CNNM4: variants seen among roughly 807,000 people sequenced by gnomAD.
CNNM4 encodes the protein cyclin and CBS domain divalent metal cation transport mediator 4, also known as metal transporter CNNM4.
In CNNM4, 32 loss-of-function variants were observed where a neutral mutation model predicts 53.7. The ratio of observed to expected loss-of-function variants is 0.60; its 90% confidence interval spans 0.45 to 0.80. CNNM4 has a LOEUF of 0.80. CNNM4 is among the 30% of genes least tolerant of loss of function. The pLI, the probability that CNNM4 is intolerant of heterozygous loss-of-function variation, is 0.00. For synonymous variants in CNNM4, 410 were observed against 440.0 expected, an observed-to-expected ratio of 0.93 and a Z score of 0.85; for missense variants, 784 against 1,022.0, an observed-to-expected ratio of 0.77 and a Z score of 3.17.
intron 1 of CNNM4, among the ~76,000 whole-genome samples, chr2:96,772,845 C>T (rs571555902): frequency 6.2e-5 from 9 of 145,704 alleles, no homozygotes; most frequent in Non-Finnish European, 1.2e-4. Context: ...TCACTCCCAC[C>T]CATGCTCACA....
chr2:96,787,290 C>T (rs2079024226), intron 1 of CNNM4, among the ~76,000 whole-genome samples: 1 of 152,182 alleles, frequency 6.6e-6, no homozygotes, highest in African/African-American at 2.4e-5. Context: ...CTCCTGCCAA[C>T]ACTGAGAGTA....
At position 96,761,456 on chromosome 2, in the gene CNNM4, C is replaced by G; in HGVS notation, c.457C>G (p.Arg153Gly). ...CATGAAGCTGTATGCACTGTGCACC[C>G]GGGCCCAGCCCGACGGGCCCTGGCT... is the stretch of plus-strand genomic sequence containing the variant. ...ESMKLYALCT[R>G]AQPDGPWLKW... Residue 153 changes from arginine (R) to glycine (G), a missense_variant, in exon 1 of 7, where the codon CGG becomes GGG. Physicochemically the swap from Arg to Gly is moderately radical, Grantham distance 125 (BLOSUM62 -2). This residue lies in a region of CNNM4 where 473 missense variants were observed against 624.6 expected (regional missense o/e 0.76). Transcript: ENST00000377075. This position sits in a 1 kb window ranked among gnomAD's most constrained non-coding sequence, Gnocchi z 6.0. 1.2e-6 allele frequency: 2 copies of G among 1,614,132 alleles called. No individual in the cohort carries two copies. The highest frequency in any genetic ancestry group is 1.7e-6 in the Non-Finnish European group (2 of 1,180,016).
chr2:96,763,916 C>A (rs1223832277), intron 1 of CNNM4, among the ~76,000 whole-genome samples: 1 of 151,950 alleles, frequency 6.6e-6, no homozygotes, highest in Non-Finnish European at 1.5e-5. Flanking sequence ...GGAGTGCAGA[C>A]CCAGGAATCA....
chr2:96,790,066 G>T (rs1234301450), intron 1 of CNNM4, among the ~76,000 whole-genome samples: 1 of 141,808 alleles, frequency 7.1e-6, no homozygotes. Context: ...GAGTGCAGTG[G>T]CGTGATCTCG....
At chr2:96,774,563 T>A (rs2078907384) in intron 1 of CNNM4, among the ~76,000 whole-genome samples, 2 of 152,346 alleles carry the variant, frequency 1.3e-5, no homozygotes, top group Admixed American at 1.3e-4. Context: ...GCCAACAGTC[T>A]TTCCCAGTCA....
intron 1 of CNNM4, among the ~76,000 whole-genome samples, chr2:96,795,757 C>T (rs1385983242): frequency 6.6e-6 from 1 of 152,120 alleles, no homozygotes; most frequent in East Asian, 1.9e-4. Flanking sequence ...TTCCGGGGGC[C>T]TTTCTTCCTA....
chr2:96,803,135 G>C (rs1466792126), intron 5 of CNNM4, among the ~76,000 whole-genome samples: 9 of 152,156 alleles, frequency 5.9e-5, no homozygotes, highest in Admixed American at 5.9e-4. Flanking sequence ...CTTAGAAGCA[G>C]TTACTCCCTG....
At position 96,796,131 on chromosome 2, in the gene CNNM4, CTTTTTTTTTTTTTT is replaced by C. The variant is rs796494842; in HGVS notation, c.1403-863_1403-850del. On this transcript the variant is annotated intron_variant, in intron 1 of 6. Transcript: ENST00000377075. ...CCTGATAAGTGATACCAGACAGGGTCTTTTTTTTTTTTTTTTTTTTTTTTTTTTTTTGAGACAGA... is the reference window on the plus strand; with the variant it reads ...CCTGATAAGTGATACCAGACAGGGTCTTTTTTTTTTTTTTTTTGAGACAGA... Among the ~76,000 whole-genome samples, 141 of 50,714 alleles carry C rather than the reference CTTTTTTTTTTTTTT, an allele frequency of 2.8e-3. 2 individuals carry two copies. The East Asian group carries it at 0.066, about 24-fold the overall frequency. 33.3% of individuals were successfully genotyped at this position (50,714 alleles called of 152,430 possible).
intron 1 of CNNM4, among the ~76,000 whole-genome samples, chr2:96,784,374 A>G (rs1264174794): frequency 6.6e-6 from 1 of 152,230 alleles, no homozygotes; most frequent in Admixed American, 6.5e-5. Flanking sequence ...GCTTTGCTTC[A>G]AAATCAGTGA....
chr2:96,762,104 C>T lies in CNNM4; in HGVS notation c.1105C>T (p.Arg369Trp). 1 of 1,614,068 alleles carries T rather than the reference C, an allele frequency of 6.2e-7. No homozygotes were observed. Among genetic ancestry groups the T allele is most frequent in the Non-Finnish European group, 8.5e-7 (1 of 1,180,014 alleles). ...TATGATCCAGGGTGCCCTGGAACTA[C>T]GGACCAAAACTGTAGAGGATATCAT... ...LNMIQGALEL[R>W]TKTVEDIMTQ... The change falls in exon 1 of 7, where the codon CGG becomes TGG. Residue 369 changes from arginine (R) to tryptophan (W), a missense_variant. Arg to Trp is a moderately radical substitution (Grantham distance 101, BLOSUM62 -3). Coordinates refer to ENST00000377075, the MANE Select transcript of CNNM4 (RefSeq NM_020184.4).
rs2153350192 is a variant in CNNM4 at position 96,801,213 on chromosome 2, T to C, written c.1948+1565T>C. The C allele has an allele frequency of 2.5e-6, 2 of 785,318 alleles. No homozygotes were observed. The highest frequency in any genetic ancestry group is 3.1e-6 in the Non-Finnish European group (2 of 647,122). The allele number at this position is 785,318 out of a possible 1,614,324, so 48.6% of individuals were successfully genotyped here. A position where few individuals can be genotyped will look rare whatever the true frequency, so the allele number is the denominator to read the frequency against. On this transcript the variant is annotated intron_variant, in intron 5 of 6. Transcript: ENST00000377075. This position sits in a 1 kb window ranked among gnomAD's most constrained non-coding sequence, Gnocchi z 5.6. ...CTGCAGCTGCATTAACCTCCCCACATGGACCCGGACCCCCGCCTGCTCAAT... is the reference window on the plus strand; with the variant it reads ...CTGCAGCTGCATTAACCTCCCCACACGGACCCGGACCCCCGCCTGCTCAAT...
In CNNM4 at chr2:96,797,479, C is replaced by G. The variant is rs1195034856; in HGVS notation, c.1547-34C>G. On this transcript the variant is annotated intron_variant, in intron 2 of 6. Coordinates refer to ENST00000377075, the MANE Select transcript of CNNM4 (RefSeq NM_020184.4). The surrounding 1 kb of genome is among the most constrained non-coding windows in gnomAD (Gnocchi z 6.0). ...AGTCTCTTCCTAAGTCCTCAGGGGT[C>G]TGTGTTCTCAATTCCACGCTCTTCT... 1 of 1,612,064 alleles carries G rather than the reference C, an allele frequency of 6.2e-7. No homozygotes were observed. The highest frequency in any genetic ancestry group is 1.3e-5 in the African/African-American group (1 of 74,942).
In CNNM4 at chr2:96,801,703, C is replaced by T. The variant is rs979644202; in HGVS notation, c.1948+2055C>T. ...ACCACACGCAGAGAGACCACACACA[C>T]GCAGAGAGACCACACACATGCAGAG... On this transcript the variant is annotated intron_variant, in intron 5 of 6. Coordinates refer to ENST00000377075, the MANE Select transcript of CNNM4 (RefSeq NM_020184.4). This position sits in a 1 kb window ranked among gnomAD's most constrained non-coding sequence, Gnocchi z 5.6. 8.2e-5 allele frequency among the ~76,000 whole-genome samples: 12 copies of T among 146,460 alleles called. No homozygotes were observed. Among genetic ancestry groups the T allele is most frequent in the African/African-American group, 2.1e-4 (8 of 37,892 alleles).
chr2:96,794,678 G>T (rs2079088369), intron 1 of CNNM4, among the ~76,000 whole-genome samples: 1 of 152,096 alleles, frequency 6.6e-6, no homozygotes, highest in African/African-American at 2.4e-5. Context: ...TTTTGTGAAG[G>T]TTGCCTCTCC....
intron 1 of CNNM4, among the ~76,000 whole-genome samples, chr2:96,781,384 C>G (rs62152771): frequency 0.068 from 10,301 of 150,422 alleles, 394 homozygotes; most frequent in Middle Eastern, 0.17. Context: ...GAGTCTTGTT[C>G]TGTTGCCCAG....
intron 1 of CNNM4, among the ~76,000 whole-genome samples, chr2:96,779,449 C>T (rs940330885): frequency 3.5e-5 from 5 of 144,166 alleles, no homozygotes; most frequent in African/African-American, 1.3e-4. Flanking sequence ...GCAGAAGTTG[C>T]AGTGAGCTAA....
chr2:96,792,454 C>T (rs1052791058), intron 1 of CNNM4, among the ~76,000 whole-genome samples: 4 of 151,992 alleles, frequency 2.6e-5, no homozygotes, highest in African/African-American at 9.7e-5. Flanking sequence ...CCCCGCTCCC[C>T]TTCCCCTCAC....
intron 1 of CNNM4, among the ~76,000 whole-genome samples, chr2:96,770,122 G>C (rs1349542122): frequency 6.6e-6 from 1 of 152,250 alleles, no homozygotes; most frequent in Non-Finnish European, 1.5e-5. Context: ...AGCCAGCACT[G>C]AGAGGACACT....
intron 1 of CNNM4, among the ~76,000 whole-genome samples, chr2:96,790,484 A>G (rs1186301624): frequency 1.3e-5 from 2 of 151,730 alleles, no homozygotes; most frequent in Non-Finnish European, 2.9e-5. Flanking sequence ...CCTCCCGAGT[A>G]GTTGGGATTA....
Sources: allele counts gnomAD v4.1 joint callset (sites outside exome capture counted in the v4.1 genomes callset), GRCh38; gene constraint gnomAD v4.1.1; regional missense constraint gnomAD v4.1.1; non-coding constraint Gnocchi (gnomAD v3.1); transcripts MANE v1.5; gene names NCBI Gene and HGNC (gene_info 2026-07-23, HGNC 2026-07-21).